RIF1: variants seen among roughly 807,000 people sequenced by gnomAD.
The protein encoded by RIF1 is telomere-associated protein RIF1.
In RIF1, 45 loss-of-function variants were observed where a neutral mutation model predicts 247.1. The observed-to-expected ratio is 0.18, with a 90% CI of 0.14 to 0.23. The LOEUF (loss-of-function observed/expected upper bound fraction) is 0.23, where lower values mean the gene tolerates loss of function less well. Ranked by LOEUF, RIF1 falls within the 10% of genes least tolerant of loss-of-function variation. The pLI is 1.00. For missense variants in RIF1, 2,967 were observed against 2,862.5 expected (o/e 1.04, Z -0.83); for synonymous variants, 1,087 against 978.8 (o/e 1.11, Z -2.06).
At chr2:151,530,120 C>T in the RIF1 span, among the ~76,000 whole-genome samples, 4 of 152,190 alleles carry the variant, frequency 2.6e-5, no homozygotes. Flanking sequence ...TCCATCATCT[C>T]ATTCCTAGTG....
chr2:151,473,865 A>T, intron 34 of RIF1, 99 bp from the exon 35 acceptor site: 1 of 709,576 alleles, frequency 1.4e-6, no homozygotes, highest in East Asian at 2.6e-5. Flanking sequence ...GTTCTATGCA[A>T]TGTTTTCCAG....
Position 151,493,197 on chromosome 2 carries a change from T to G in RIF1, c.*416-2032T>G. The G allele has an allele frequency of 5.0e-6, 3 of 601,444 alleles. No individual in the cohort carries two copies. The East Asian group carries it at 8.6e-5, about 17-fold the overall frequency. 37.3% of individuals were successfully genotyped at this position (601,444 alleles called of 1,614,324 possible). On this transcript the variant is annotated intron_variant and NMD_transcript_variant, in intron 9 of 13. Transcript: ENST00000454583. ...AATTTTCAGTTGAATAAGTGCAAAT[T>G]TTTATGGTGTTAAAACGTTACTTTC... is the stretch of plus-strand genomic sequence containing the variant.
chr2:151,457,274 C>T (rs1308511506), intron 23 of RIF1, among the ~76,000 whole-genome samples: 4 of 152,116 alleles, frequency 2.6e-5, no homozygotes, highest in Admixed American at 2.6e-4. Flanking sequence ...AGGCATACAC[C>T]ACCACTCCTG....
Position 151,458,879 on chromosome 2 carries a change from T to C in RIF1, c.2924T>C (p.Met975Thr). ...LLPGLETVEM[M>T]EESSGPYSDG... ...CCTGGTTTGGAAACTGTTGAAATGA[T>C]GGAGGAATCCAGTGGACCATATTCT... Residue 975 changes from methionine (M) to threonine (T), a missense_variant, in exon 25 of 36, where the codon ATG becomes ACG. Coordinates refer to ENST00000444746, the MANE Select transcript of RIF1 (RefSeq NM_018151.5). 6.2e-7 allele frequency: 1 copy of C among 1,612,658 alleles called. No individual in the cohort carries two copies. The highest frequency in any genetic ancestry group is 8.5e-7 in the Non-Finnish European group (1 of 1,178,912).
chr2:151,486,160 C>T (rs11695285), downstream of RIF1: 16,589 of 471,554 alleles, frequency 0.035, 654 homozygotes, highest in East Asian at 0.13. Context: ...TCCTACAACT[C>T]AATGCCTTCC....
chr2:151,443,554 G>A lies in RIF1; in HGVS notation c.1831G>A (p.Val611Ile), dbSNP rs1692734634. The A allele has an allele frequency of 1.9e-6, 3 of 1,603,958 alleles. No homozygotes were observed. The highest frequency in any genetic ancestry group is 1.3e-5 in the African/African-American group (1 of 74,406). The change falls in exon 18 of 36, where the codon GTA becomes ATA. Residue 611 changes from valine to isoleucine, a missense_variant. Transcript: ENST00000444746. ...GTTCTTTCTCAGTTTGGAATCACTT[G>A]TAGGCTGTGTTCTTTCTGGTCCAAC... ...ERFFLSLESL[V>I]GCVLSGPTSP...
Position 151,496,984 on chromosome 2 carries a change from G to A in RIF1, c.*513+1658G>A, listed in dbSNP as rs541150975. On this transcript the variant is annotated intron_variant and NMD_transcript_variant, in intron 10 of 13. Transcript: ENST00000454583. ...ATTGTGTTTGACTCTCTCCATCTCA[G>A]GAGTGACAGGTAGAGGGGTTCCCTT... 1.9e-5 allele frequency: 30 copies of A among 1,581,362 alleles called. No homozygotes were observed. In the African/African-American group the frequency reaches 2.6e-4, roughly 13 times the overall value.
At chr2:151,501,310 A>G (rs2064338640) in intron 11 of RIF1, 1 of 927,330 alleles carries the variant, frequency 1.1e-6, no homozygotes, top group Admixed American at 2.3e-5. Context: ...TGATTATTAT[A>G]AAGGGATGAA....
chr2:151,467,709 G>A (rs553135328), intron 30 of RIF1, among the ~76,000 whole-genome samples: 5 of 152,190 alleles, frequency 3.3e-5, no homozygotes, highest in South Asian at 2.1e-4. Context: ...GAATCAGATC[G>A]TACACTTTTA....
intron 12 of RIF1, 81 bp downstream of exon 12, chr2:151,437,084 T>A (rs762821430): frequency 4.5e-6 from 6 of 1,325,330 alleles, no homozygotes; most frequent in Non-Finnish European, 6.2e-6. Flanking sequence ...AGGTGTTATT[T>A]TGTCGCAGCC....
Position 151,463,426 on chromosome 2 carries a change from T to C in RIF1, c.3906T>C (p.Ser1302=). Reference sequence around the variant, plus strand: ...CTGAACAAACAGGGAATAAAAGGTCTAAGCCCTTAATGAGATCTGAGCCGG... The same window carrying C: ...CTGAACAAACAGGGAATAAAAGGTCCAAGCCCTTAATGAGATCTGAGCCGG... ...GKAEQTGNKR[S]KPLMRSEPEK... Residue 1302 remains serine, a synonymous_variant, in exon 30 of 36, where the codon TCT becomes TCC. Coordinates refer to ENST00000444746, the MANE Select transcript of RIF1 (RefSeq NM_018151.5). The C allele has an allele frequency of 1.9e-6, 3 of 1,614,024 alleles. No individual in the cohort carries two copies. The highest frequency in any genetic ancestry group is 1.7e-5 in the Admixed American group (1 of 60,008).
Position 151,463,724 on chromosome 2 carries a change from G to T in RIF1, c.4204G>T (p.Asp1402Tyr). Reference sequence around the variant, plus strand: ...ATCAGCAGATCAAATGGTAAATGAGGATAGTCAGGTTCAGATAACTCCAAA... The same window carrying T: ...ATCAGCAGATCAAATGGTAAATGAGTATAGTCAGGTTCAGATAACTCCAAA... ...VISADQMVNE[D>Y]SQVQITPNQK... Residue 1402 changes from aspartate (D) to tyrosine (Y), a missense_variant, in exon 30 of 36, where the codon GAT becomes TAT. By Grantham distance (160) the Asp-to-Tyr change is radical. Transcript: ENST00000444746. 1 of 1,613,930 alleles carries T rather than the reference G, an allele frequency of 6.2e-7. No homozygotes were observed.
Position 151,465,830 on chromosome 2 carries a change from G to C in RIF1, c.6310G>C (p.Val2104Leu). The C allele has an allele frequency of 6.2e-7, 1 of 1,613,118 alleles. No individual in the cohort carries two copies. The highest frequency in any genetic ancestry group is 8.5e-7 in the Non-Finnish European group (1 of 1,179,070). Reference sequence around the variant, plus strand: ...AGAAAAATTAGATAACAATCAAATGGTAATGGAAAGTGATATTTTACAGGA... The same window carrying C: ...AGAAAAATTAGATAACAATCAAATGCTAATGGAAAGTGATATTTTACAGGA... ...SEEKLDNNQM[V>L]MESDILQEDH... Residue 2104 changes from valine (V) to leucine (L), a missense_variant, in exon 30 of 36, where the codon GTA (valine) becomes CTA (leucine). By Grantham distance (32) the Val-to-Leu change is conservative (BLOSUM62 1). Around this residue, in one of 7 missense-constraint regions of RIF1, gnomAD observed 2,028 missense variants for 1,825.6 expected, o/e 1.11. Transcript: ENST00000444746.
At chr2:151,503,524 G>A in intron 12 of RIF1, 1 of 873,190 alleles carries the variant, frequency 1.1e-6, no homozygotes, top group Non-Finnish European at 1.9e-6. Flanking sequence ...CTATTTGGGG[G>A]AAACTCATAA....
intron 10 of RIF1, chr2:151,496,447 C>A: frequency 6.7e-7 from 1 of 1,498,408 alleles, no homozygotes; most frequent in Non-Finnish European, 9.0e-7. Context: ...GTAAGGTCAA[C>A]TTCCTTGTTA....
At position 151,490,530 on chromosome 2, in the gene RIF1, G is replaced by T. The variant is rs2055520322; in HGVS notation, c.*416-4699G>T. ...GCGCTGAGCTTGGACTGGGAGAGAT[G>T]CAGTTGGGGGAGATGTAGCAAACAT... On this transcript the variant is annotated intron_variant and NMD_transcript_variant, in intron 9 of 13. Transcript: ENST00000454583. 1 of 1,606,564 alleles carries T rather than the reference G, an allele frequency of 6.2e-7. No individual in the cohort carries two copies. The highest frequency in any genetic ancestry group is 1.7e-5 in the Admixed American group (1 of 59,302).
chr2:151,466,758 A>G (rs1696967852), intron 30 of RIF1, among the ~76,000 whole-genome samples: 1 of 152,242 alleles, frequency 6.6e-6, no homozygotes, highest in Admixed American at 6.5e-5. Context: ...TATTTACGTA[A>G]CTCAACTTGT....
chr2:151,418,658 T>C (rs1354337918), intron 6 of RIF1, among the ~76,000 whole-genome samples: 1 of 150,368 alleles, frequency 6.7e-6, no homozygotes, highest in Non-Finnish European at 1.5e-5. Context: ...GTGGATTACC[T>C]GAGGTCAGGA....
At chr2:151,534,404 C>A in the RIF1 span, 1 of 1,102,444 alleles carries the variant, frequency 9.1e-7, no homozygotes, top group South Asian at 1.3e-5. Flanking sequence ...TCCAGAGGGC[C>A]AGAACATGTC....
Sources: gnomAD v4.1 joint callset for allele counts (sites outside exome capture counted in the v4.1 genomes callset) on GRCh38, gnomAD v4.1.1 for gene constraint, gnomAD v4.1.1 regional missense constraint, MANE v1.5 for transcripts, NCBI Gene and HGNC (gene_info 2026-07-23, HGNC 2026-07-21) for gene names.